Variants in FOXP1 observed in about 807,000 individuals in gnomAD.
FOXP1 encodes forkhead box P1.
In FOXP1, 15 loss-of-function variants were observed where a neutral mutation model predicts 98.2. That is an observed-to-expected ratio of 0.15 (90% CI 0.10 to 0.24). The LOEUF (loss-of-function observed/expected upper bound fraction) is 0.24. FOXP1 is among the 10% of genes least tolerant of loss of function. The pLI, the probability that FOXP1 is intolerant of heterozygous loss-of-function variation, is 1.00. For synonymous variants in FOXP1, 371 were observed against 314.5 expected (o/e 1.18, Z -1.90); for missense variants, 633 against 848.5 (o/e 0.75, Z 3.15).
intron 6 of FOXP1, among the ~76,000 whole-genome samples, chr3:71,165,554 C>T (rs2061361304): frequency 6.6e-6 from 1 of 152,166 alleles, no homozygotes. Flanking sequence ...GTATACCTTC[C>T]TTCCATGGGA....
intron 3 of FOXP1, among the ~76,000 whole-genome samples, chr3:71,413,819 G>A (rs2082985338): frequency 6.6e-6 from 1 of 152,082 alleles, no homozygotes; most frequent in Non-Finnish European, 1.5e-5. Flanking sequence ...ACCACACAAT[G>A]TTACAGTAAC....
intron 4 of FOXP1, among the ~76,000 whole-genome samples, chr3:71,344,384 G>A (rs560610925): frequency 6.6e-6 from 1 of 152,284 alleles, no homozygotes; most frequent in Admixed American, 6.5e-5. Context: ...CACAAACAGT[G>A]TGAAACACTA....
At chr3:71,000,877 C>T in intron 13 of FOXP1, 95 bp downstream of exon 13, 4 of 733,888 alleles carry the variant, frequency 5.5e-6, no homozygotes, top group Non-Finnish European at 1.0e-5. Context: ...ACCTTCCATT[C>T]AATAATGAGT....
At chr3:70,972,471 C>T (rs1308294475) in intron 18 of FOXP1, 84 bp downstream of exon 18, 1 of 1,578,766 alleles carries the variant, frequency 6.3e-7, no homozygotes, top group Non-Finnish European at 8.7e-7. Context: ...TTTGGTCTAA[C>T]ACCATCTAGC....
At chr3:71,196,143 G>A (rs768088005) in intron 6 of FOXP1, among the ~76,000 whole-genome samples, 2 of 152,196 alleles carry the variant, frequency 1.3e-5, no homozygotes, top group African/African-American at 2.4e-5. Flanking sequence ...AACGACATAC[G>A]GAGAAAAAAC....
intron 3 of FOXP1, among the ~76,000 whole-genome samples, chr3:71,385,105 A>C (rs1394413590): frequency 7.4e-6 from 1 of 135,750 alleles, no homozygotes; most frequent in African/African-American, 3.1e-5. Context: ...GGGAAAAGGA[A>C]GTAAAAAAAA....
chr3:71,583,811 G>T, upstream of FOXP1: 4 of 986,844 alleles, frequency 4.1e-6, no homozygotes, highest in South Asian at 4.5e-5. Context: ...CGCCGGTGGC[G>T]GCGGCGGCGG....
chr3:71,172,819 C>T (rs867827930), intron 6 of FOXP1, among the ~76,000 whole-genome samples: 2 of 152,188 alleles, frequency 1.3e-5, no homozygotes, highest in Non-Finnish European at 2.9e-5. Context: ...GGCTGCCCTG[C>T]CCACTGATTT....
intron 5 of FOXP1, among the ~76,000 whole-genome samples, chr3:71,246,001 C>A (rs898685742): frequency 2.0e-5 from 3 of 151,180 alleles, no homozygotes; most frequent in Non-Finnish European, 3.0e-5. Flanking sequence ...GAAAACCACC[C>A]CCCCCCCACC....
chr3:71,415,463 A>G (rs1165229820), intron 3 of FOXP1, among the ~76,000 whole-genome samples: 1 of 152,248 alleles, frequency 6.6e-6, no homozygotes, highest in East Asian at 1.9e-4. Flanking sequence ...GTGAGAGCCA[A>G]TATTTATACA....
intron 3 of FOXP1, among the ~76,000 whole-genome samples, chr3:71,360,178 C>T (rs2078457042): frequency 6.6e-6 from 1 of 152,164 alleles, no homozygotes; most frequent in Non-Finnish European, 1.5e-5. Context: ...TCCATAGGTC[C>T]AAATGATAAT....
intron 2 of FOXP1, chr3:71,571,675 C>A (rs997847337): frequency 1.3e-5 from 2 of 152,176 alleles, no homozygotes; most frequent in African/African-American, 4.8e-5. Flanking sequence ...GATCATTTTA[C>A]TCAGCAATGA....
intron 6 of FOXP1, among the ~76,000 whole-genome samples, chr3:71,114,059 A>G (rs1452844488): frequency 6.6e-6 from 1 of 152,236 alleles, no homozygotes; most frequent in Non-Finnish European, 1.5e-5. Context: ...TATTATATCA[A>G]TAATAATTTC....
rs945010801 is a variant in FOXP1 at position 71,063,058 on chromosome 3, C to T, written c.283-9285G>A. 4.6e-5 allele frequency among the ~76,000 whole-genome samples: 7 copies of T among 152,210 alleles called. No homozygotes were observed. In the East Asian group the frequency reaches 7.7e-4, roughly 17 times the overall value. On this transcript the variant is annotated intron_variant, in intron 7 of 20. Coordinates refer to ENST00000649528, the MANE Select transcript of FOXP1 (RefSeq NM_001349338.3). ...CTTGCCTGAAAGGGCTAATGCAGTA[C>T]TAATGAACAATAAATCAACTTTGAT...
In FOXP1 at chr3:71,347,851, C is replaced by G. The variant is rs56342039; in HGVS notation, c.-73+11299G>C. 8.1e-3 allele frequency among the ~76,000 whole-genome samples: 1,221 copies of G among 150,776 alleles called. 14 individuals carry two copies. Among genetic ancestry groups the G allele is most frequent in the African/African-American group, 0.027 (1,111 of 41,092 alleles). On this transcript the variant is annotated intron_variant, in intron 4 of 20. Coordinates refer to ENST00000649528, the MANE Select transcript of FOXP1 (RefSeq NM_001349338.3). ...AGTGAGCAGAGATCGTGCCACCGAA[C>G]TCCGGCTCAGCAACAAGAGCAAAAC...
intron 6 of FOXP1, among the ~76,000 whole-genome samples, chr3:71,179,742 C>T (rs2062174268): frequency 6.6e-6 from 1 of 152,180 alleles, no homozygotes; most frequent in Non-Finnish European, 1.5e-5. Flanking sequence ...AAAGGGAAAA[C>T]AGGGTATCCA....
intron 3 of FOXP1, among the ~76,000 whole-genome samples, chr3:71,461,249 A>G (rs987890974): frequency 6.6e-5 from 10 of 152,320 alleles, no homozygotes; most frequent in African/African-American, 1.2e-4. Flanking sequence ...TTCAGTCACA[A>G]TGGCTTTTGT....
intron 6 of FOXP1, among the ~76,000 whole-genome samples, chr3:71,123,008 C>G (rs1316023114): frequency 6.6e-6 from 1 of 152,124 alleles, no homozygotes; most frequent in Non-Finnish European, 1.5e-5. Flanking sequence ...AATCTCCCTT[C>G]TTTTCCCCAC....
At chr3:71,208,748 A>T (rs1416749838) in intron 5 of FOXP1, among the ~76,000 whole-genome samples, 1 of 152,238 alleles carries the variant, frequency 6.6e-6, no homozygotes, top group Admixed American at 6.5e-5. Flanking sequence ...CAGATTTCAT[A>T]GGTGACAGCA....
Sources: allele counts gnomAD v4.1 joint callset (sites outside exome capture counted in the v4.1 genomes callset), GRCh38; gene constraint gnomAD v4.1.1; transcripts MANE v1.5; gene names NCBI Gene and HGNC (gene_info 2026-07-23, HGNC 2026-07-21).